The following RRP36 variants were observed in gnomAD, a reference collection of about 807,000 sequenced individuals.
RRP36 encodes the protein ribosomal RNA processing protein 36 homolog.
RRP36 carries 44 observed loss-of-function variants against 39.8 expected under a neutral mutation model. That is an observed-to-expected ratio of 1.10 (90% CI 0.87 to 1.42). The LOEUF (loss-of-function observed/expected upper bound fraction) is 1.42, where lower values mean the gene tolerates loss of function less well. Ranked by LOEUF, RRP36 falls within the 40% of genes most tolerant of loss-of-function variation. The pLI is 0.00. For missense variants in RRP36, 316 were observed against 322.4 expected (o/e 0.98, Z 0.15); for synonymous variants, 124 against 123.1 (o/e 1.01, Z -0.05).
chr6:43,022,632 C>CTTTTTTTT (rs34268212), intron 1 of RRP36, among the ~76,000 whole-genome samples: 3 of 107,096 alleles, frequency 2.8e-5, no homozygotes, highest in African/African-American at 1.3e-4. Context: ...AAGGTCTCAC[C>CTTTTTTTT]TTTTTTTTTT....
Position 43,026,016 on chromosome 6 carries a change from T to TTC in RRP36, c.346-13_346-12dup, listed in dbSNP as rs765279982. The TTC allele has an allele frequency of 2.6e-6, 4 of 1,557,822 alleles. No individual in the cohort carries two copies. In the Admixed American group the frequency reaches 6.7e-5, roughly 26 times the overall value. Reference sequence around the variant, plus strand: ...GGAGATTGAACAGTTGTGTTTTATATTCTCTCTCTTCTCTCCAAAGGTAGC... The same window carrying TTC: ...GGAGATTGAACAGTTGTGTTTTATATTCTCTCTCTCTTCTCTCCAAAGGTAGC... On this transcript the variant is annotated intron_variant, in intron 3 of 6. Transcript: ENST00000244496.
intron 1 of RRP36, among the ~76,000 whole-genome samples, chr6:43,023,409 A>C (rs1762761834): frequency 6.6e-6 from 1 of 151,700 alleles, no homozygotes; most frequent in African/African-American, 2.4e-5. Context: ...AAAATAAATA[A>C]AATTTAAGTC....
chr6:43,022,686 G>C lies in RRP36; in HGVS notation c.130+902G>C, dbSNP rs899933915. Among the ~76,000 whole-genome samples, 5 of 143,656 alleles carry C rather than the reference G, an allele frequency of 3.5e-5. No homozygotes were observed. In the Admixed American group the frequency reaches 3.6e-4, roughly 10 times the overall value. 94.2% of individuals were successfully genotyped at this position (143,656 alleles called of 152,430 possible). Reference sequence around the variant, plus strand: ...CTCGCTCTGTTGCCCATGCTGGAGTGCAGTAGCGCGATCTCAGCTCACTGC... The same window carrying C: ...CTCGCTCTGTTGCCCATGCTGGAGTCCAGTAGCGCGATCTCAGCTCACTGC... On this transcript the variant is annotated intron_variant, in intron 1 of 6. Coordinates refer to ENST00000244496, the MANE Select transcript of RRP36 (RefSeq NM_033112.4).
chr6:43,025,477 G>A, intron 3 of RRP36, 148 bp downstream of exon 3: 1 of 646,824 alleles, frequency 1.5e-6, no homozygotes, highest in East Asian at 2.9e-5. Context: ...ACAAAAATTA[G>A]CTGGGCATGG....
rs1303981341 is a variant in RRP36, at chr6:43,022,576, C to T, written c.130+792C>T. 3.7e-5 allele frequency among the ~76,000 whole-genome samples: 5 copies of T among 135,588 alleles called. No homozygotes were observed. The East Asian group carries it at 8.2e-4, about 22-fold the overall frequency. 89.0% of individuals were successfully genotyped at this position (135,588 alleles called of 152,430 possible). On this transcript the variant is annotated intron_variant, in intron 1 of 6. Coordinates refer to ENST00000244496, the MANE Select transcript of RRP36 (RefSeq NM_033112.4). The stretch of plus-strand genomic sequence containing the variant: ...CTGCAGGCGCGTCACCACGCCTGCA[C>T]GGATGGGTTTGTTTATTTATTTATT...
intron 1 of RRP36, 73 bp downstream of exon 1, chr6:43,021,857 G>A (rs1762720345): frequency 8.9e-7 from 1 of 1,128,718 alleles, no homozygotes; most frequent in South Asian, 4.6e-5. Flanking sequence ...CTGCAGAGAC[G>A]GTGCCGGTAA....
chr6:43,026,084 TGA>T lies in RRP36; in HGVS notation c.395_396del (p.Glu132GlyfsTer3), dbSNP rs757505196. 1 of 1,614,030 alleles carries T rather than the reference TGA, an allele frequency of 6.2e-7. No individual in the cohort carries two copies. Among genetic ancestry groups the T allele is most frequent in the Non-Finnish European group, 8.5e-7 (1 of 1,179,918 alleles). On this transcript the variant is annotated frameshift_variant, in exon 4 of 7. Transcript: ENST00000244496. LOFTEE classifies it high-confidence loss of function. Reference protein sequence around the residue: ...FDDLSGEYNPEVFDKTYQFLN... With the variant: ...FDDLSGEYNPXVFDKTYQFLN... ...ATGATCTGTCAGGGGAATATAATCCTGAGGTGTTTGACAAAACATACCAATTC... is the reference window on the plus strand; with the variant it reads ...ATGATCTGTCAGGGGAATATAATCCTGGTGTTTGACAAAACATACCAATTC...
Position 43,025,084 on chromosome 6 carries a change from A to G in RRP36, c.230A>G (p.Gln77Arg), listed in dbSNP as rs138428694. The change falls in exon 2 of 7, where the codon CAA becomes CGA. Residue 77 changes from glutamine to arginine, a missense_variant. Gln to Arg is a conservative substitution (Grantham distance 43). Coordinates refer to ENST00000244496, the MANE Select transcript of RRP36 (RefSeq NM_033112.4). ...GTAGCTGGAAATAGTCCTAAGAAAC[A>G]AGCTTCTAGACCACCTATCCAAAAT... ...QLVAGNSPKK[Q>R]ASRPPIQNAC... 1,076 of 1,614,218 alleles carry G rather than the reference A, an allele frequency of 6.7e-4. 8 individuals carry two copies. The African/African-American group carries it at 0.013, about 20-fold the overall frequency.
chr6:43,029,036 G>T, intron 6 of RRP36, 56 bp from the exon 7 acceptor site: 1 of 1,603,626 alleles, frequency 6.2e-7, no homozygotes, highest in Non-Finnish European at 8.5e-7. Flanking sequence ...CCTGGTTTGG[G>T]AAAGAATAGG....
chr6:43,028,174 T>TA (rs1221424653), intron 6 of RRP36, among the ~76,000 whole-genome samples: 5 of 146,746 alleles, frequency 3.4e-5, no homozygotes, highest in African/African-American at 1.0e-4. Context: ...ACTAAAGATA[T>TA]AAAAAAATTA....
At chr6:43,025,204 G>A (rs550083254) in intron 2 of RRP36, 59 bp from the exon 3 acceptor site, 1 of 1,612,478 alleles carries the variant, frequency 6.2e-7, no homozygotes, top group South Asian at 1.1e-5. Context: ...TGGGTGACAG[G>A]TGGGAAGCCT....
At chr6:43,022,780 C>T (rs926786914) in intron 1 of RRP36, among the ~76,000 whole-genome samples, 2 of 151,846 alleles carry the variant, frequency 1.3e-5, no homozygotes, top group African/African-American at 4.8e-5. Context: ...TACAGGCGCC[C>T]GCCACCACGC....
At position 43,029,253 on chromosome 6, in the gene RRP36, A is replaced by T. The variant is rs960688191; in HGVS notation, c.*25A>T. 3.1e-6 allele frequency: 5 copies of T among 1,612,186 alleles called. No individual in the cohort carries two copies. The highest frequency in any genetic ancestry group is 4.2e-6 in the Non-Finnish European group (5 of 1,178,520). On this transcript the variant is annotated 3_prime_UTR_variant, in exon 7 of 7. Coordinates refer to ENST00000244496, the MANE Select transcript of RRP36 (RefSeq NM_033112.4). ...ATAAGGAACTATCCTCTGCTCTGCC[A>T]CTGCCCCAGGGAGACATGGATCTGT...
At chr6:43,027,071 AATG>A in intron 4 of RRP36, 104 bp from the exon 5 acceptor site, 8 of 959,974 alleles carry the variant, frequency 8.3e-6, no homozygotes, top group Non-Finnish European at 1.3e-5. Context: ...CTCAAAAAAA[AATG>A]TGTGTGTGTG....
intron 4 of RRP36, among the ~76,000 whole-genome samples, chr6:43,026,670 CCAAA>C (rs965249140): frequency 4.1e-5 from 6 of 146,188 alleles, no homozygotes; most frequent in Admixed American, 2.0e-4. Flanking sequence ...AAGACTGTCT[CCAAA>C]CAAACAGTTA....
chr6:43,025,045 C>A lies in RRP36; in HGVS notation c.191C>A (p.Thr64Lys), dbSNP rs140642066. 4 of 1,614,172 alleles carry A rather than the reference C, an allele frequency of 2.5e-6. No homozygotes were observed. The highest frequency in any genetic ancestry group is 3.4e-6 in the Non-Finnish European group (4 of 1,180,020). ...LELQSQVGTKTYKQLVAGNSP... is the reference protein window; with the variant it reads ...LELQSQVGTKKYKQLVAGNSP... ...TTGCAGAGCCAAGTGGGGACTAAGA[C>A]GTACAAACAATTGGTAGCTGGAAAT... Residue 64 changes from threonine to lysine, a missense_variant, in exon 2 of 7, where the codon ACG becomes AAG. Transcript: ENST00000244496.
intron 1 of RRP36, 57 bp downstream of exon 1, chr6:43,021,841 C>G: frequency 1.7e-6 from 2 of 1,181,204 alleles, no homozygotes; most frequent in Non-Finnish European, 2.1e-6. Context: ...AGGCGGGGCC[C>G]TGAGCCTGCA....
chr6:43,022,302 G>T (rs558317488), intron 1 of RRP36, among the ~76,000 whole-genome samples: 1 of 152,158 alleles, frequency 6.6e-6, no homozygotes, highest in Non-Finnish European at 1.5e-5. Flanking sequence ...GTCTCACCTT[G>T]TTAGCCAGGA....
Position 43,029,347 on chromosome 6 carries a change from G to T in RRP36, c.*119G>T, listed in dbSNP as rs1762872995. 5.8e-6 allele frequency: 7 copies of T among 1,202,210 alleles called. No homozygotes were observed. The South Asian group carries it at 7.1e-5, about 12-fold the overall frequency. The allele number at this position is 1,202,210 out of a possible 1,614,324, so 74.5% of individuals were successfully genotyped here. On this transcript the variant is annotated 3_prime_UTR_variant, in exon 7 of 7. Transcript: ENST00000244496. ...ATCACAGCTGCCCTTGAATCTCATTGCCTCAGAGAAGACTAGAGGGCTCTT... is the reference window on the plus strand; with the variant it reads ...ATCACAGCTGCCCTTGAATCTCATTTCCTCAGAGAAGACTAGAGGGCTCTT...
Sources: allele counts gnomAD v4.1 joint callset (sites outside exome capture counted in the v4.1 genomes callset), GRCh38; gene constraint gnomAD v4.1.1; transcripts MANE v1.5; gene names NCBI Gene and HGNC (gene_info 2026-07-23, HGNC 2026-07-21).